Variants in MCPH1 observed in about 807,000 individuals in gnomAD.
MCPH1 encodes the protein microcephalin 1, also known as microcephalin.
Under a neutral mutation model 84.5 loss-of-function variants are expected in MCPH1, and 104 were observed. That is an observed-to-expected ratio of 1.23 (90% confidence interval 1.05 to 1.45). The LOEUF is 1.45. MCPH1 is among the 40% of genes most tolerant of loss of function. MCPH1 has a pLI of 0.00. For missense variants in MCPH1, 1,498 were observed against 1,005.7 expected, an observed-to-expected ratio of 1.49 and a Z score of -6.62; for synonymous variants, 514 against 366.8, an observed-to-expected ratio of 1.40 and a Z score of -4.58.
chr8:6,413,587 C>CCTTTT (rs1208035854), intron 2 of MCPH1, among the ~76,000 whole-genome samples: 5 of 151,858 alleles, frequency 3.3e-5, no homozygotes, highest in African/African-American at 1.2e-4. Flanking sequence ...TCCTGTTGTC[C>CCTTTT]GTCTTCTGGT....
chr8:6,609,136 T>C (rs1254741622), intron 12 of MCPH1, among the ~76,000 whole-genome samples: 3 of 152,030 alleles, frequency 2.0e-5, no homozygotes, highest in African/African-American at 7.3e-5. Flanking sequence ...TTTTTAAGGA[T>C]GAAATCAAAG....
chr8:6,592,629 T>A (rs1456451135), intron 12 of MCPH1, among the ~76,000 whole-genome samples: 1 of 141,074 alleles, frequency 7.1e-6, no homozygotes, highest in African/African-American at 2.6e-5. Flanking sequence ...TTTTGTTTTT[T>A]TTTTTTTTTT....
intron 9 of MCPH1, among the ~76,000 whole-genome samples, chr8:6,477,103 C>G (rs1297935787): frequency 6.6e-6 from 1 of 151,590 alleles, no homozygotes; most frequent in African/African-American, 2.4e-5. Flanking sequence ...GTCAATAGAA[C>G]AAATAAGTTC....
intron 4 of MCPH1, among the ~76,000 whole-genome samples, chr8:6,433,456 A>C (rs1802142174): frequency 1.3e-5 from 2 of 151,950 alleles, no homozygotes; most frequent in East Asian, 3.9e-4. Context: ...AACATGGCGA[A>C]ACCCCATCTC....
chr8:6,455,536 A>G (rs1391645645), intron 9 of MCPH1, among the ~76,000 whole-genome samples: 1 of 152,210 alleles, frequency 6.6e-6, no homozygotes, highest in Non-Finnish European at 1.5e-5. Context: ...TGGTTGTGCC[A>G]GTGTTTCTTG....
intron 12 of MCPH1, chr8:6,501,172 A>G (rs920517168): frequency 6.6e-6 from 1 of 152,262 alleles, no homozygotes; most frequent in Non-Finnish European, 1.5e-5. Flanking sequence ...GAAATAAAAC[A>G]GAGCCTTGAC....
chr8:6,484,310 C>T (rs564297470), intron 11 of MCPH1, among the ~76,000 whole-genome samples: 1 of 152,308 alleles, frequency 6.6e-6, no homozygotes, highest in Non-Finnish European at 1.5e-5. Flanking sequence ...TAAAAAGATG[C>T]TCATCATTAT....
intron 12 of MCPH1, among the ~76,000 whole-genome samples, chr8:6,559,287 GC>G (rs1554453190): frequency 1.7e-4 from 25 of 150,648 alleles, no homozygotes. Flanking sequence ...GCAGGGTGGG[GC>G]TAGCGGGCTG....
intron 9 of MCPH1, among the ~76,000 whole-genome samples, chr8:6,457,992 G>C (rs977606366): frequency 1.3e-5 from 2 of 152,136 alleles, no homozygotes; most frequent in African/African-American, 4.8e-5. Context: ...GTGCACCCTG[G>C]CCACTAGGAT....
At chr8:6,432,529 A>C (rs569147339) in intron 4 of MCPH1, among the ~76,000 whole-genome samples, 8 of 152,174 alleles carry the variant, frequency 5.3e-5, no homozygotes, top group African/African-American at 9.7e-5. Context: ...ATTTATGTAA[A>C]AGTTCTAATT....
chr8:6,537,883 C>T (rs893600094), intron 12 of MCPH1, among the ~76,000 whole-genome samples: 6 of 152,110 alleles, frequency 3.9e-5, no homozygotes, highest in Non-Finnish European at 8.8e-5. Flanking sequence ...TTGAGAGATC[C>T]TTTCTATTTA....
At chr8:6,410,314 T>C (rs146027601) in intron 2 of MCPH1, among the ~76,000 whole-genome samples, 2,009 of 151,300 alleles carry the variant, frequency 0.013, 24 homozygotes, top group Middle Eastern at 0.045. Flanking sequence ...TAGAATGGAG[T>C]AATTTTAAAG....
Position 6,589,735 on chromosome 8 carries a change from G to A in MCPH1, c.2215-31719G>A, listed in dbSNP as rs569207393. ...GTGATCTCAAGTGTTTCCATGACAC[G>A]TGCTGCAACCAAATACATTATGTGT... is the stretch of plus-strand genomic sequence containing the variant. On this transcript the variant is annotated intron_variant, in intron 12 of 13. Transcript: ENST00000344683. 3.3e-4 allele frequency among the ~76,000 whole-genome samples: 50 copies of A among 152,266 alleles called. 1 individual carries two copies. In the South Asian group the frequency reaches 8.7e-3, roughly 27 times the overall value.
intron 11 of MCPH1, among the ~76,000 whole-genome samples, chr8:6,492,915 A>G (rs1810814060): frequency 6.6e-6 from 1 of 152,064 alleles, no homozygotes; most frequent in South Asian, 2.1e-4. Context: ...ACTTCCTGGT[A>G]CGTGGCTCTA....
intron 12 of MCPH1, chr8:6,508,461 G>A (rs1453836892): frequency 2.8e-5 from 5 of 178,682 alleles, no homozygotes; most frequent in Non-Finnish European, 4.6e-5. Context: ...ATAAACAACT[G>A]GAGACTGTGT....
intron 12 of MCPH1, among the ~76,000 whole-genome samples, chr8:6,618,040 G>C (rs1057433990): frequency 3.9e-5 from 6 of 152,194 alleles, no homozygotes; most frequent in South Asian, 2.1e-4. Flanking sequence ...CCAAAGTGCT[G>C]GGATTACAGG....
At chr8:6,608,876 T>C (rs1427730981) in intron 12 of MCPH1, among the ~76,000 whole-genome samples, 1 of 152,112 alleles carries the variant, frequency 6.6e-6, no homozygotes, top group African/African-American at 2.4e-5. Flanking sequence ...CCACCCTCCA[T>C]CCCGTGTTCT....
intron 2 of MCPH1, among the ~76,000 whole-genome samples, chr8:6,409,675 G>A (rs1413532261): frequency 8.9e-6 from 1 of 112,914 alleles, no homozygotes. Context: ...AGGTTTCTAA[G>A]GGAAAAATTG....
chr8:6,472,529 G>T (rs780141748), intron 9 of MCPH1, among the ~76,000 whole-genome samples: 20 of 151,994 alleles, frequency 1.3e-4, no homozygotes, highest in Non-Finnish European at 2.5e-4. Context: ...GCATTGGCCC[G>T]ATCTTAGCTC....
Sources: allele counts gnomAD v4.1 joint callset (sites outside exome capture counted in the v4.1 genomes callset), GRCh38; gene constraint gnomAD v4.1.1; transcripts MANE v1.5; gene names NCBI Gene and HGNC (gene_info 2026-07-23, HGNC 2026-07-21).